MRPL4: variants seen among roughly 807,000 people sequenced by gnomAD.
The protein encoded by MRPL4 is mitochondrial ribosomal protein L4, also known as large ribosomal subunit protein uL4m.
MRPL4 carries 34 observed loss-of-function variants against 34.1 expected under a neutral mutation model. That is an observed-to-expected ratio of 1.00 (90% CI 0.76 to 1.33). The LOEUF is 1.33. Ranked by LOEUF, MRPL4 falls within the 40% of genes most tolerant of loss-of-function variation. MRPL4 has a pLI of 0.00. For synonymous variants in MRPL4, 196 were observed against 188.3 expected (o/e 1.04, Z -0.33); for missense variants, 402 against 434.6 (o/e 0.92, Z 0.67).
In MRPL4 at chr19:10,253,423, G is replaced by A. The variant is rs191146035; in HGVS notation, c.275+722G>A. On this transcript the variant is annotated intron_variant, in intron 3 of 8. Transcript: ENST00000253099. ...GAACCCGGGAGGCGGAGCTTGCAGT[G>A]AGCCGAGATCGCGCCACTGCACTCC... Among the ~76,000 whole-genome samples the A allele has an allele frequency of 2.8e-3, 400 of 144,136 alleles. 4 individuals are homozygous for A. The highest frequency in any genetic ancestry group is 0.01 in the African/African-American group (389 of 38,146). The allele number at this position is 144,136 out of a possible 152,430, so 94.6% of individuals were successfully genotyped here. A position where few individuals can be genotyped will look rare whatever the true frequency, so the allele number is the denominator to read the frequency against.
At chr19:10,252,152 G>C, upstream of MRPL4, 1 of 1,385,912 alleles carries the variant, frequency 7.2e-7, no homozygotes, top group South Asian at 1.4e-5. Flanking sequence ...CCAGCGCGGA[G>C]TCGCGGCGGG....
In MRPL4 at chr19:10,258,442, G is replaced by T. The variant is rs764539966; in HGVS notation, c.582G>T (p.Glu194Asp). 6 of 1,613,866 alleles carry T rather than the reference G, an allele frequency of 3.7e-6. No homozygotes were observed. The highest frequency in any genetic ancestry group is 5.1e-6 in the Non-Finnish European group (6 of 1,179,998). ...QDDLHIMDSL[E>D]LPTGDPQYLT... is the part of the protein sequence containing the mutation. ...ACCTGCACATCATGGACTCCCTAGA[G>T]CTGCCCACCGGAGACCCACAGTACC... The change falls in exon 7 of 9, where the codon GAG (glutamate) becomes GAT (aspartate). Residue 194 changes from glutamate to aspartate, a missense_variant. Coordinates refer to ENST00000253099, the MANE Select transcript of MRPL4 (RefSeq NM_015956.3).
At chr19:10,252,158 G>A, upstream of MRPL4, 1 of 1,401,162 alleles carries the variant, frequency 7.1e-7, no homozygotes, top group Non-Finnish European at 9.5e-7. Context: ...CGGAGTCGCG[G>A]CGGGTAGGGC....
chr19:10,259,123 A>G (rs1208520557), intron 8 of MRPL4: 35 of 1,282,632 alleles, frequency 2.7e-5, no homozygotes, highest in African/African-American at 3.1e-5. Context: ...AAAAAAAAAA[A>G]AAGCTCCAAA....
chr19:10,253,214 C>T (rs980587139), intron 3 of MRPL4, among the ~76,000 whole-genome samples: 3 of 152,076 alleles, frequency 2.0e-5, no homozygotes, highest in Admixed American at 2.0e-4. Context: ...CAGTGGCTCA[C>T]GCCTGTAATC....
At chr19:10,258,003 C>G (rs1364184724) in intron 5 of MRPL4, among the ~76,000 whole-genome samples, 4 of 152,064 alleles carry the variant, frequency 2.6e-5, no homozygotes, top group East Asian at 1.9e-4. Context: ...TTCGCCAGCC[C>G]TGTCTCAGAG....
chr19:10,254,019 G>T (rs1347938182), intron 3 of MRPL4, among the ~76,000 whole-genome samples: 2 of 152,090 alleles, frequency 1.3e-5, no homozygotes, highest in East Asian at 3.9e-4. Flanking sequence ...AGGAAGAAGG[G>T]GTGGCTTTTT....
intron 8 of MRPL4, chr19:10,259,119 A>G: frequency 1.6e-6 from 2 of 1,270,324 alleles, no homozygotes; most frequent in Middle Eastern, 3.1e-4. Context: ...AAAAAAAAAA[A>G]AAAAAAGCTC....
chr19:10,253,438 C>G (rs534751869), intron 3 of MRPL4, among the ~76,000 whole-genome samples: 1 of 141,238 alleles, frequency 7.1e-6, no homozygotes, highest in South Asian at 2.2e-4. Context: ...GAGATCGCGC[C>G]ACTGCACTCC....
At chr19:10,255,704 C>G (rs1413221659) in intron 4 of MRPL4, 2 of 152,596 alleles carry the variant, frequency 1.3e-5, no homozygotes, top group Non-Finnish European at 2.9e-5. Context: ...CACACCTTCC[C>G]TGGCTCCCCA....
In MRPL4 at chr19:10,252,243, G is replaced by T. The variant is rs557558402; in HGVS notation, c.-11G>T. 2 of 1,598,586 alleles carry T rather than the reference G, an allele frequency of 1.3e-6. No homozygotes were observed. The highest frequency in any genetic ancestry group is 1.8e-5 in the Admixed American group (1 of 54,650). ...GCCTTGACCTCCCGCGGCGTGGGAG[G>T]CTGCGCGGCGATGCTGCAGTTCGTC... On this transcript the variant is annotated 5_prime_UTR_variant, in exon 1 of 9. Coordinates refer to ENST00000253099, the MANE Select transcript of MRPL4 (RefSeq NM_015956.3).
chr19:10,253,997 G>C (rs1309925939), intron 3 of MRPL4, among the ~76,000 whole-genome samples: 4 of 152,006 alleles, frequency 2.6e-5, no homozygotes, highest in Non-Finnish European at 5.9e-5. Context: ...AAAAGTAATG[G>C]TAGGAAAAAC....
rs763567425 is a variant in MRPL4 at position 10,258,677 on chromosome 19, C to T, written c.731C>T (p.Pro244Leu). 19 of 1,614,008 alleles carry T rather than the reference C, an allele frequency of 1.2e-5. No individual in the cohort carries two copies. The highest frequency in any genetic ancestry group is 1.1e-4 in the East Asian group (5 of 44,892). Residue 244 changes from proline (P) to leucine (L), a missense_variant, in exon 8 of 9, where the codon CCG becomes CTG. Coordinates refer to ENST00000253099, the MANE Select transcript of MRPL4 (RefSeq NM_015956.3). ...TSRLKTFNLIPAVGLNVHSML... is the reference protein window; with the variant it reads ...TSRLKTFNLILAVGLNVHSML... The stretch of plus-strand genomic sequence containing the variant: ...AGGCTTAAGACCTTCAACTTGATCC[C>T]GGCTGTTGGTGAGCAAAGAGCCCAG...
intron 5 of MRPL4, among the ~76,000 whole-genome samples, 171 bp downstream of exon 5, chr19:10,256,996 C>A (rs1486312636): frequency 3.3e-5 from 5 of 152,106 alleles, no homozygotes; most frequent in Non-Finnish European, 5.9e-5. Flanking sequence ...CCTTGGACCT[C>A]ACTACCCATA....
In MRPL4 at chr19:10,259,905, C is replaced by T. The variant is rs2039896622; in HGVS notation, c.*92C>T. The T allele has an allele frequency of 8.6e-7, 1 of 1,161,854 alleles. No homozygotes were observed. The highest frequency in any genetic ancestry group is 1.6e-5 in the South Asian group (1 of 60,982). 72.0% of individuals were successfully genotyped at this position (1,161,854 alleles called of 1,614,324 possible). ...CCCTTCGAGGAAGGTGTCACCTGGA[C>T]CCCTTCATTCCACGGAGGAAGCTGA... On this transcript the variant is annotated 3_prime_UTR_variant, in exon 9 of 9. Transcript: ENST00000253099.
chr19:10,258,168 G>T, intron 5 of MRPL4, 54 bp from the exon 6 acceptor site: 1 of 1,304,726 alleles, frequency 7.7e-7, no homozygotes. Context: ...GCAGATTGCT[G>T]ACCTCCAGGC....
rs2039893917 is a variant in MRPL4 at position 10,259,755 on chromosome 19, T to TC, written c.883dup (p.Arg295ProfsTer20). The TC allele has an allele frequency of 6.2e-7, 1 of 1,613,696 alleles. No homozygotes were observed. The highest frequency in any genetic ancestry group is 8.5e-7 in the Non-Finnish European group (1 of 1,179,846). On this transcript the variant is annotated frameshift_variant, in exon 9 of 9. Transcript: ENST00000253099. LOFTEE classifies it low-confidence loss of function (END_TRUNC). ...CCCTTCAGCCTGCCCTACAGCGACT[T>TC]CCCCCGACCCCTACCCCACGCTACC...
chr19:10,255,590 C>G (rs1042228191), intron 4 of MRPL4: 2 of 152,688 alleles, frequency 1.3e-5, no homozygotes, highest in African/African-American at 4.8e-5. Flanking sequence ...CCAGTGGGAG[C>G]AGTGGGGAGG....
rs548590550 is a variant in MRPL4, at chr19:10,256,918, G to A, written c.445+93G>A. 4.8e-6 allele frequency: 5 copies of A among 1,048,666 alleles called. No individual in the cohort carries two copies. In the African/African-American group the frequency reaches 5.0e-5, roughly 11 times the overall value. 65.0% of individuals were successfully genotyped at this position (1,048,666 alleles called of 1,614,324 possible). On this transcript the variant is annotated intron_variant, in intron 5 of 8. Coordinates refer to ENST00000253099, the MANE Select transcript of MRPL4 (RefSeq NM_015956.3). ...ACACACAGCTGCGCACATCTGGCAT[G>A]GTATTATGTCAGCCCTGTTCCCTCC...
Sources: allele counts gnomAD v4.1 joint callset (sites outside exome capture counted in the v4.1 genomes callset), GRCh38; gene constraint gnomAD v4.1.1; transcripts MANE v1.5; gene names NCBI Gene and HGNC (gene_info 2026-07-23, HGNC 2026-07-21).